The following ADGRB3 variants were observed in gnomAD, a reference collection of about 807,000 sequenced individuals.
ADGRB3 encodes the protein adhesion G protein-coupled receptor B3, also known as brain-specific angiogenesis inhibitor 3.
A neutral mutation model predicts 193.4 loss-of-function variants in ADGRB3; 37 were observed. The observed-to-expected ratio is 0.19, with a 90% confidence interval of 0.15 to 0.25. The LOEUF is 0.25. Ranked by LOEUF, ADGRB3 falls within the 10% of genes least tolerant of loss-of-function variation. The pLI, the probability that ADGRB3 is intolerant of heterozygous loss-of-function variation, is 1.00. For missense variants in ADGRB3, 1,637 were observed against 1,852.9 expected, an observed-to-expected ratio of 0.88 and a Z score of 2.14; for synonymous variants, 690 against 644.2, an observed-to-expected ratio of 1.07 and a Z score of -1.08.
intron 17 of ADGRB3, among the ~76,000 whole-genome samples, chr6:69,078,881 A>C (rs886233122): frequency 1.3e-5 from 2 of 152,078 alleles, no homozygotes; most frequent in Non-Finnish European, 2.9e-5. Flanking sequence ...GGTGCCTACT[A>C]TACCTGCATA....
chr6:69,288,619 A>T (rs1767601879), intron 20 of ADGRB3, among the ~76,000 whole-genome samples: 1 of 152,218 alleles, frequency 6.6e-6, no homozygotes, highest in Admixed American at 6.5e-5. Flanking sequence ...ATAGAATTTT[A>T]AAAGTTTCAA....
intron 29 of ADGRB3, among the ~76,000 whole-genome samples, chr6:69,368,323 G>C (rs1769627879): frequency 6.6e-6 from 1 of 152,098 alleles, no homozygotes. Flanking sequence ...CCAGACAAGA[G>C]ATAACAGTTG....
intron 3 of ADGRB3, among the ~76,000 whole-genome samples, chr6:68,798,114 A>G (rs769553399): frequency 3.3e-5 from 5 of 152,178 alleles, no homozygotes; most frequent in Non-Finnish European, 7.4e-5. Flanking sequence ...CAGCAATAAA[A>G]TTATTTTTCA....
At chr6:69,193,881 G>GA (rs3048266) in intron 17 of ADGRB3, among the ~76,000 whole-genome samples, 21 of 151,826 alleles carry the variant, frequency 1.4e-4, no homozygotes, top group East Asian at 3.9e-4. Context: ...AAATCTGGTA[G>GA]AAAAAAACAA....
intron 3 of ADGRB3, among the ~76,000 whole-genome samples, chr6:68,672,752 G>T (rs1394785450): frequency 6.6e-6 from 1 of 151,952 alleles, no homozygotes; most frequent in African/African-American, 2.4e-5. Context: ...TTGCTGGGAA[G>T]GTATTTTTTT....
chr6:68,772,874 CAAACAAACAAAAAAA>C (rs1256624935), intron 3 of ADGRB3, among the ~76,000 whole-genome samples: 24 of 12,540 alleles, frequency 1.9e-3, no homozygotes, highest in African/African-American at 5.4e-3. Context: ...AACAAACAAA[CAAACAAACAAAAAAA>C]AAAAAATATA....
rs752726834 is a variant in ADGRB3, at chr6:69,014,065, C to T, written c.1957C>T (p.Leu653=). 1.9e-6 allele frequency: 3 copies of T among 1,601,312 alleles called. No homozygotes were observed. In the East Asian group the frequency reaches 6.7e-5, roughly 36 times the overall value. Residue 653 remains leucine, a synonymous_variant, in exon 12 of 32, where the codon CTA becomes TTA. Coordinates refer to ENST00000370598, the MANE Select transcript of ADGRB3 (RefSeq NM_001704.3). ...CTTCTTTCAAATAGTTAGCAACCTTCTAGATGAAGAAAACAAGGAAAAATG... is the reference window on the plus strand; with the variant it reads ...CTTCTTTCAAATAGTTAGCAACCTTTTAGATGAAGAAAACAAGGAAAAATG... ...QNFFQIVSNL[L]DEENKEKWED...
At position 68,913,745 on chromosome 6, in the gene ADGRB3, G is replaced by A. The variant is rs1018687527; in HGVS notation, c.758-16814G>A. 3.9e-5 allele frequency among the ~76,000 whole-genome samples: 6 copies of A among 152,218 alleles called. No homozygotes were observed. In the East Asian group the frequency reaches 9.7e-4, roughly 25 times the overall value. ...AGGCTTCAGACGATCAAACTACTCC[G>A]AACTACAGGAGGAAATTCAAATCAA... On this transcript the variant is annotated intron_variant, in intron 3 of 31. Transcript: ENST00000370598.
intron 17 of ADGRB3, among the ~76,000 whole-genome samples, chr6:69,096,601 C>T (rs1389465063): frequency 2.0e-5 from 3 of 152,038 alleles, no homozygotes; most frequent in Admixed American, 6.6e-5. Context: ...TTCCTGACCC[C>T]CAAGTCACTA....
intron 20 of ADGRB3, among the ~76,000 whole-genome samples, chr6:69,297,081 G>A (rs959149728): frequency 1.2e-4 from 18 of 152,060 alleles, no homozygotes; most frequent in African/African-American, 4.1e-4. Context: ...CAGCCTAACT[G>A]ATGCACAACT....
intron 17 of ADGRB3, among the ~76,000 whole-genome samples, chr6:69,212,140 T>G (rs1271666891): frequency 6.6e-6 from 1 of 152,222 alleles, no homozygotes; most frequent in Non-Finnish European, 1.5e-5. Flanking sequence ...AAGGTTACTG[T>G]AACCTCACTT....
intron 17 of ADGRB3, among the ~76,000 whole-genome samples, chr6:69,194,772 A>G (rs1239531753): frequency 6.6e-6 from 1 of 152,092 alleles, no homozygotes; most frequent in Admixed American, 6.6e-5. Flanking sequence ...TACTCTGCCT[A>G]GGTTTGAAAC....
intron 3 of ADGRB3, among the ~76,000 whole-genome samples, chr6:68,712,321 T>G (rs1337778138): frequency 6.6e-6 from 1 of 152,038 alleles, no homozygotes; most frequent in Admixed American, 6.6e-5. Context: ...TTGGTCTTGA[T>G]CGACACCACA....
chr6:69,231,512 A>G (rs1434009605), intron 17 of ADGRB3, among the ~76,000 whole-genome samples: 1 of 152,154 alleles, frequency 6.6e-6, no homozygotes, highest in Non-Finnish European at 1.5e-5. Flanking sequence ...TTTCTTCTTT[A>G]AATTTTGATC....
At chr6:68,753,289 T>C (rs1766236978) in intron 3 of ADGRB3, among the ~76,000 whole-genome samples, 1 of 152,154 alleles carries the variant, frequency 6.6e-6, no homozygotes, top group Non-Finnish European at 1.5e-5. Context: ...TCAGACAAAA[T>C]TGGACTTCAG....
chr6:68,834,280 A>C (rs1312617630), intron 3 of ADGRB3, among the ~76,000 whole-genome samples: 3 of 152,110 alleles, frequency 2.0e-5, no homozygotes, highest in African/African-American at 7.2e-5. Flanking sequence ...ATAAAGCTCA[A>C]AATTTACATC....
chr6:68,669,604 TTGTGTGTGTGTGTG>T (rs59849376), intron 3 of ADGRB3, among the ~76,000 whole-genome samples: 25 of 134,752 alleles, frequency 1.9e-4, no homozygotes, highest in Non-Finnish European at 3.2e-4. Context: ...TAATACTCCA[TTGTGTGTGTGTGTG>T]TGTGTGTGTG....
intron 17 of ADGRB3, among the ~76,000 whole-genome samples, chr6:69,115,210 GA>G (rs1258910676): frequency 1.3e-5 from 2 of 152,140 alleles, no homozygotes; most frequent in African/African-American, 4.8e-5. Context: ...TCCCATCAAT[GA>G]CAGACTGGAC....
chr6:68,803,922 A>G (rs928599917), intron 3 of ADGRB3, among the ~76,000 whole-genome samples: 2 of 152,176 alleles, frequency 1.3e-5, no homozygotes, highest in Admixed American at 1.3e-4. Context: ...CTTCACTTTT[A>G]TCCAACATTC....
Sources: gnomAD v4.1 joint callset for allele counts (sites outside exome capture counted in the v4.1 genomes callset) on GRCh38, gnomAD v4.1.1 for gene constraint, MANE v1.5 for transcripts, NCBI Gene and HGNC (gene_info 2026-07-23, HGNC 2026-07-21) for gene names.